The following FER variants were observed in gnomAD, a reference collection of about 807,000 sequenced individuals.
The protein encoded by FER is tyrosine-protein kinase Fer.
In FER, 63 loss-of-function variants were observed where a neutral mutation model predicts 111.0. The observed-to-expected ratio is 0.57, with a 90% CI of 0.46 to 0.70. FER has a LOEUF of 0.70. FER is among the 30% of genes least tolerant of loss of function. The probability of loss-of-function intolerance (pLI) is 0.00; values close to 1 mark genes in which losing one functional copy is unlikely to be tolerated. For missense variants in FER, 914 were observed against 954.0 expected, an observed-to-expected ratio of 0.96 and a Z score of 0.55; for synonymous variants, 327 against 313.9, an observed-to-expected ratio of 1.04 and a Z score of -0.44.
chr5:108,787,174 G>A lies in FER; in HGVS notation c.-59-10950G>A, dbSNP rs140986693. ...CCCCTGGCCTCTCCCTGCTTCTGGC[G>A]CCTGCTCCAGGGTGGAGCAAAGCTG... On this transcript the variant is annotated intron_variant, in intron 2 of 19. Transcript: ENST00000281092. 1.5e-3 allele frequency among the ~76,000 whole-genome samples: 223 copies of A among 152,282 alleles called. 2 individuals are homozygous for A. Among genetic ancestry groups the A allele is most frequent in the African/African-American group, 5.1e-3 (210 of 41,556 alleles).
chr5:108,871,237 G>C (rs1764568746), intron 6 of FER, 128 bp from the exon 7 acceptor site: 1 of 639,320 alleles, frequency 1.6e-6, no homozygotes, highest in Non-Finnish European at 2.6e-6. Flanking sequence ...AAATAAGGTG[G>C]TACAGGAAAC....
In FER at chr5:109,129,515, ACAAT is replaced by A. The variant is rs1307025341; in HGVS notation, c.2048+29000_2048+29003del. Reference sequence around the variant, plus strand: ...TTTCACTGCTTTCTACTTCCATATAACAATCAACCAGTCACTGTTAAATGATGAC... The same window carrying A: ...TTTCACTGCTTTCTACTTCCATATAACAACCAGTCACTGTTAAATGATGAC... On this transcript the variant is annotated intron_variant, in intron 17 of 19. Coordinates refer to ENST00000281092, the MANE Select transcript of FER (RefSeq NM_005246.4). Among the ~76,000 whole-genome samples the A allele has an allele frequency of 5.3e-5, 8 of 152,014 alleles. 1 individual carries two copies. Among genetic ancestry groups the A allele is most frequent in the African/African-American group, 7.2e-5 (3 of 41,436 alleles).
intron 9 of FER, among the ~76,000 whole-genome samples, chr5:108,886,110 A>G (rs1047008936): frequency 6.6e-6 from 1 of 151,850 alleles, no homozygotes; most frequent in Non-Finnish European, 1.5e-5. Context: ...AGTGCTAACC[A>G]TTTCACCAGA....
At chr5:109,168,490 T>C (rs999614745) in intron 17 of FER, among the ~76,000 whole-genome samples, 1 of 151,974 alleles carries the variant, frequency 6.6e-6, no homozygotes, top group East Asian at 1.9e-4. Flanking sequence ...TATTGAAGCC[T>C]CCATAAAAAC....
intron 2 of FER, among the ~76,000 whole-genome samples, chr5:108,786,920 T>C (rs972447813): frequency 6.6e-6 from 1 of 152,214 alleles, no homozygotes; most frequent in African/African-American, 2.4e-5. Context: ...TTGACATTGC[T>C]AATGATGGTG....
chr5:109,152,694 A>C (rs1010688147), intron 17 of FER, among the ~76,000 whole-genome samples: 2 of 151,998 alleles, frequency 1.3e-5, no homozygotes, highest in Non-Finnish European at 2.9e-5. Flanking sequence ...GTGTATATAC[A>C]TGCCTTTATT....
intron 3 of FER, among the ~76,000 whole-genome samples, chr5:108,814,011 G>A (rs1002853854): frequency 6.6e-6 from 1 of 152,040 alleles, no homozygotes; most frequent in African/African-American, 2.4e-5. Context: ...TAGTAGATTT[G>A]AATTCCTTTT....
At chr5:108,979,731 G>GAA (rs143359876) in intron 13 of FER, among the ~76,000 whole-genome samples, 31,134 of 151,916 alleles carry the variant, frequency 0.2, 3,801 homozygotes, top group African/African-American at 0.35. Context: ...TAAGGGCCAT[G>GAA]AGGCATTGTC....
chr5:108,767,498 G>A (rs1348970160), intron 1 of FER, among the ~76,000 whole-genome samples: 2 of 151,986 alleles, frequency 1.3e-5, no homozygotes, highest in South Asian at 2.1e-4. Flanking sequence ...AGACTTTTTC[G>A]GTTTTTGAGA....
chr5:109,126,689 A>G (rs970028345), intron 17 of FER, among the ~76,000 whole-genome samples: 5 of 152,172 alleles, frequency 3.3e-5, no homozygotes, highest in Non-Finnish European at 7.3e-5. Context: ...TGTGCCAAGT[A>G]TCACACTAGG....
At chr5:108,879,701 A>AAAAATATATATAT in intron 8 of FER, among the ~76,000 whole-genome samples, 12 of 99,096 alleles carry the variant, frequency 1.2e-4, no homozygotes, top group Admixed American at 3.9e-4. Context: ...ATTAAAAAAA[A>AAAAATATATATAT]ATATATATAT....
intron 5 of FER, among the ~76,000 whole-genome samples, chr5:108,864,152 C>G (rs1161219155): frequency 2.0e-5 from 3 of 152,152 alleles, no homozygotes; most frequent in African/African-American, 7.2e-5. Flanking sequence ...AGTGAATGGA[C>G]AATGGGTACA....
At chr5:108,828,552 G>A (rs746260509) in intron 3 of FER, among the ~76,000 whole-genome samples, 2 of 151,896 alleles carry the variant, frequency 1.3e-5, no homozygotes, top group East Asian at 1.9e-4. Flanking sequence ...TTTATATTCC[G>A]TTTTGCAAAT....
In FER at chr5:108,855,134, A is replaced by T. The variant is rs1030049270; in HGVS notation, c.482-12633A>T. Reference sequence around the variant, plus strand: ...TTTTTAGAGTCTTATTAGATACTCAAGTGGAACTGTTGAATTAAATCTCTA... The same window carrying T: ...TTTTTAGAGTCTTATTAGATACTCATGTGGAACTGTTGAATTAAATCTCTA... On this transcript the variant is annotated intron_variant, in intron 5 of 19. Transcript: ENST00000281092. Among the ~76,000 whole-genome samples the T allele has an allele frequency of 3.0e-4, 46 of 152,148 alleles. 1 individual carries two copies. Among genetic ancestry groups the T allele is most frequent in the African/African-American group, 9.9e-4 (41 of 41,436 alleles).
intron 3 of FER, among the ~76,000 whole-genome samples, chr5:108,813,919 G>A (rs1351007464): frequency 2.0e-5 from 3 of 151,942 alleles, no homozygotes; most frequent in Non-Finnish European, 4.4e-5. Context: ...CATACTTTAG[G>A]GTGGAACAAA....
chr5:108,946,519 A>G (rs924195270), intron 11 of FER, among the ~76,000 whole-genome samples: 1 of 152,008 alleles, frequency 6.6e-6, no homozygotes, highest in Non-Finnish European at 1.5e-5. Context: ...CATTTTATGT[A>G]CTTTGATTCT....
chr5:108,835,306 C>G (rs529041594), intron 4 of FER, among the ~76,000 whole-genome samples: 3 of 150,314 alleles, frequency 2.0e-5, no homozygotes, highest in Admixed American at 1.3e-4. Context: ...CTCATCCTCC[C>G]GAGTAGCTGG....
At chr5:109,090,726 G>C (rs1181588075) in intron 16 of FER, among the ~76,000 whole-genome samples, 1 of 152,154 alleles carries the variant, frequency 6.6e-6, no homozygotes, top group Admixed American at 6.5e-5. Context: ...TTCAGCAACA[G>C]CCTTGATTAA....
At chr5:108,883,959 A>G (rs1191316553) in intron 9 of FER, among the ~76,000 whole-genome samples, 2 of 152,070 alleles carry the variant, frequency 1.3e-5, no homozygotes, top group Non-Finnish European at 2.9e-5. Flanking sequence ...CTCAGTGATT[A>G]GCTGTGCTAT....
Sources: gnomAD v4.1 joint callset for allele counts (sites outside exome capture counted in the v4.1 genomes callset) on GRCh38, gnomAD v4.1.1 for gene constraint, MANE v1.5 for transcripts, NCBI Gene and HGNC (gene_info 2026-07-23, HGNC 2026-07-21) for gene names.